Variants in ITPR2 observed in about 807,000 individuals in gnomAD.
ITPR2 encodes inositol 1,4,5-trisphosphate receptor type 2.
A neutral mutation model predicts 317.1 loss-of-function variants in ITPR2; 207 were observed. That is an observed-to-expected ratio of 0.65 (90% CI 0.58 to 0.73). ITPR2 has a LOEUF of 0.73. ITPR2 is among the 30% of genes least tolerant of loss of function. The probability of loss-of-function intolerance (pLI) is 0.00; values close to 1 mark genes in which losing one functional copy is unlikely to be tolerated. For synonymous variants in ITPR2, 1,156 were observed against 1,149.1 expected (o/e 1.01, Z -0.12); for missense variants, 2,613 against 3,284.0 (o/e 0.80, Z 4.99).
intron 37 of ITPR2, among the ~76,000 whole-genome samples, chr12:26,538,633 G>A (rs1322181617): frequency 2.0e-5 from 3 of 151,846 alleles, no homozygotes; most frequent in East Asian, 1.9e-4. Context: ...CTGGAATGCA[G>A]TGGCATGATC....
At chr12:26,669,610 G>C (rs1048965562) in intron 13 of ITPR2, among the ~76,000 whole-genome samples, 1 of 152,254 alleles carries the variant, frequency 6.6e-6, no homozygotes, top group African/African-American at 2.4e-5. Context: ...ACAGCTCCCA[G>C]CGTGAGTGAA....
intron 13 of ITPR2, among the ~76,000 whole-genome samples, chr12:26,669,146 T>C (rs1337416030): frequency 6.6e-6 from 1 of 151,592 alleles, no homozygotes; most frequent in East Asian, 1.9e-4. Flanking sequence ...ATTATTATAA[T>C]TATTTAAATA....
At chr12:26,777,975 G>A (rs1950006312) in intron 2 of ITPR2, among the ~76,000 whole-genome samples, 1 of 152,210 alleles carries the variant, frequency 6.6e-6, no homozygotes, top group African/African-American at 2.4e-5. Flanking sequence ...CAAAATGTCA[G>A]GCAGTCCTCC....
intron 41 of ITPR2, 111 bp from the exon 42 acceptor site, chr12:26,484,009 T>A: frequency 1.1e-6 from 1 of 917,824 alleles, no homozygotes; most frequent in South Asian, 1.7e-5. Flanking sequence ...AGAAAAGTAT[T>A]CGCATTTATT....
At chr12:26,724,397 C>T (rs113868800) in intron 4 of ITPR2, among the ~76,000 whole-genome samples, 1 of 152,162 alleles carries the variant, frequency 6.6e-6, no homozygotes, top group East Asian at 1.9e-4. Context: ...TTTCCTGACC[C>T]TCTTCTTTTT....
In ITPR2 at chr12:26,833,011, A is replaced by C. The variant is rs1048761739; in HGVS notation, c.-230T>G. On this transcript the variant is annotated 5_prime_UTR_variant, in exon 1 of 57. Coordinates refer to ENST00000381340, the MANE Select transcript of ITPR2 (RefSeq NM_002223.4). ...GCTGCGGACACCCCGCGAAGAGCGC[A>C]GCCCAGGCGCCCAGAGAAGCCGCAG... 1.8e-5 allele frequency: 9 copies of C among 491,128 alleles called. No individual in the cohort carries two copies. The highest frequency in any genetic ancestry group is 5.3e-4 in the Middle Eastern group (1 of 1,890). The allele number at this position is 491,128 out of a possible 1,614,324, so 30.4% of individuals were successfully genotyped here.
chr12:26,457,162 C>T (rs61914406), intron 45 of ITPR2, among the ~76,000 whole-genome samples: 10 of 152,028 alleles, frequency 6.6e-5, no homozygotes, highest in Admixed American at 3.3e-4. Context: ...GAAAATAAAG[C>T]GGAGGACGGA....
At chr12:26,550,710 ATTATG>A (rs1237408701) in intron 36 of ITPR2, among the ~76,000 whole-genome samples, 2 of 151,500 alleles carry the variant, frequency 1.3e-5, no homozygotes, top group Non-Finnish European at 2.9e-5. Context: ...ATTACATTTT[ATTATG>A]TTATACTATA....
At chr12:26,745,704 T>C (rs1949309571) in intron 2 of ITPR2, among the ~76,000 whole-genome samples, 1 of 152,224 alleles carries the variant, frequency 6.6e-6, no homozygotes, top group African/African-American at 2.4e-5. Flanking sequence ...AAGGTAGTTA[T>C]AACGTGTTTT....
At position 26,409,529 on chromosome 12, in the gene ITPR2, C is replaced by CA. The variant is rs200066521; in HGVS notation, c.7399+1790dup. Among the ~76,000 whole-genome samples the CA allele has an allele frequency of 7.5e-3, 1,111 of 147,424 alleles. 19 individuals are homozygous for CA. Among genetic ancestry groups the CA allele is most frequent in the African/African-American group, 0.026 (1,040 of 39,896 alleles). On this transcript the variant is annotated intron_variant, in intron 52 of 56. Transcript: ENST00000381340. ...GGAAATCTTCTAGAACAGAGGTTGGCAAAAAAAAAATTTCTGTAGCCAGAT... is the reference window on the plus strand; with the variant it reads ...GGAAATCTTCTAGAACAGAGGTTGGCAAAAAAAAAAATTTCTGTAGCCAGAT...
intron 1 of ITPR2, among the ~76,000 whole-genome samples, chr12:26,817,588 T>G (rs1305715034): frequency 6.6e-6 from 1 of 152,222 alleles, no homozygotes; most frequent in African/African-American, 2.4e-5. Flanking sequence ...CACTGACTGA[T>G]TTTTCTAGAG....
At chr12:26,652,726 C>A (rs1340388278) in intron 21 of ITPR2, among the ~76,000 whole-genome samples, 1 of 152,182 alleles carries the variant, frequency 6.6e-6, no homozygotes, top group Non-Finnish European at 1.5e-5. Context: ...TGTGACAATT[C>A]CAAAGAGCAT....
At chr12:26,461,519 T>A (rs1263779072) in intron 45 of ITPR2, among the ~76,000 whole-genome samples, 1 of 151,576 alleles carries the variant, frequency 6.6e-6, no homozygotes, top group South Asian at 2.1e-4. Flanking sequence ...CTGAAAAGCC[T>A]AAAATATTTA....
intron 37 of ITPR2, among the ~76,000 whole-genome samples, chr12:26,522,866 C>T (rs765089309): frequency 1.4e-4 from 22 of 152,198 alleles, no homozygotes; most frequent in Non-Finnish European, 2.6e-4. Flanking sequence ...ACAACAACAC[C>T]GGTTTTGCTA....
intron 42 of ITPR2, among the ~76,000 whole-genome samples, chr12:26,481,706 G>A (rs916996858): frequency 2.6e-5 from 4 of 152,116 alleles, no homozygotes; most frequent in Non-Finnish European, 5.9e-5. Context: ...TTTTAATTTC[G>A]TTGCTACTTA....
At chr12:26,678,215 A>G (rs552751147) in intron 13 of ITPR2, among the ~76,000 whole-genome samples, 1 of 152,320 alleles carries the variant, frequency 6.6e-6, no homozygotes, top group African/African-American at 2.4e-5. Context: ...TCTGGATGGC[A>G]GTTAACACCC....
chr12:26,569,509 C>T (rs1457820302), intron 34 of ITPR2, among the ~76,000 whole-genome samples: 1 of 147,248 alleles, frequency 6.8e-6, no homozygotes, highest in African/African-American at 2.5e-5. Context: ...CAGCCATGTT[C>T]ATGCCACTGC....
intron 2 of ITPR2, among the ~76,000 whole-genome samples, chr12:26,778,309 C>CA (rs1197309234): frequency 6.6e-6 from 1 of 152,214 alleles, no homozygotes; most frequent in Non-Finnish European, 1.5e-5. Flanking sequence ...TTGAAAGACA[C>CA]AGGGGTGATG....
chr12:26,775,635 A>G (rs971364642), intron 2 of ITPR2, among the ~76,000 whole-genome samples: 2 of 152,112 alleles, frequency 1.3e-5, no homozygotes, highest in African/African-American at 2.4e-5. Context: ...GGAGATTAAC[A>G]TTTGAGTCAG....
Sources: allele counts gnomAD v4.1 joint callset (sites outside exome capture counted in the v4.1 genomes callset), GRCh38; gene constraint gnomAD v4.1.1; transcripts MANE v1.5; gene names NCBI Gene and HGNC (gene_info 2026-07-23, HGNC 2026-07-21).